SYNE2: variants seen among roughly 807,000 people sequenced by gnomAD.
The protein encoded by SYNE2 is nesprin-2.
SYNE2 carries 431 observed loss-of-function variants against 856.3 expected under a neutral mutation model. The ratio of observed to expected loss-of-function variants is 0.50; its 90% CI spans 0.47 to 0.55. SYNE2 has a LOEUF of 0.55. Among genes scored for constraint, SYNE2 ranks in the 20% least tolerant of loss-of-function variants. The pLI is 0.00. For synonymous variants in SYNE2, 2,923 were observed against 2,872.3 expected, an observed-to-expected ratio of 1.02 and a Z score of -0.56; for missense variants, 8,129 against 8,023.2, an observed-to-expected ratio of 1.01 and a Z score of -0.50.
Position 64,027,511 on chromosome 14 carries a change from A to T in SYNE2, c.6432A>T (p.Gly2144=). The change falls in exon 43 of 116, where the codon GGA becomes GGT. Residue 2144 remains glycine, a synonymous_variant. Coordinates refer to ENST00000555002, the MANE Select transcript of SYNE2 (RefSeq NM_182914.3). ...LSHQEKLLLE[G]EKYLQSKEDL... is the part of the protein sequence containing the mutation. Reference sequence around the variant, plus strand: ...ATCAAGAAAAGCTTCTACTAGAAGGAGAGAAATATTTACAAAGTAAGGAGG... The same window carrying T: ...ATCAAGAAAAGCTTCTACTAGAAGGTGAGAAATATTTACAAAGTAAGGAGG... 1 of 1,600,406 alleles carries T rather than the reference A, an allele frequency of 6.2e-7. No individual in the cohort carries two copies. Among genetic ancestry groups the T allele is most frequent in the South Asian group, 1.1e-5 (1 of 87,244 alleles).
At chr14:64,116,592 A>G (rs1006420633) in intron 66 of SYNE2, among the ~76,000 whole-genome samples, 2 of 152,030 alleles carry the variant, frequency 1.3e-5, no homozygotes, top group African/African-American at 2.4e-5. Context: ...TAATTTTTGT[A>G]TTTTTAGTAG....
chr14:64,024,570 A>T, intron 39 of SYNE2, 111 bp downstream of exon 39: 1 of 1,044,956 alleles, frequency 9.6e-7, no homozygotes, highest in Non-Finnish European at 1.4e-6. Flanking sequence ...AATTTCACAC[A>T]CAAAAGGCGT....
chr14:64,211,872 C>T (rs2098643134), intron 103 of SYNE2, 89 bp from the exon 104 acceptor site: 1 of 1,595,016 alleles, frequency 6.3e-7, no homozygotes, highest in Non-Finnish European at 8.6e-7. Context: ...TCTGGGTACC[C>T]TTTTCTTGTG....
chr14:63,790,966 A>AT (rs371722388), intron 1 of SYNE2, among the ~76,000 whole-genome samples: 93 of 147,100 alleles, frequency 6.3e-4, no homozygotes, highest in Middle Eastern at 3.5e-3. Context: ...TACCAGAAGA[A>AT]TTTTTTTTTT....
At chr14:63,972,212 G>C (rs2096484964) in intron 11 of SYNE2, among the ~76,000 whole-genome samples, 1 of 152,144 alleles carries the variant, frequency 6.6e-6, no homozygotes, top group African/African-American at 2.4e-5. Context: ...GATAAGACCT[G>C]TCCGTGACAG....
At chr14:63,831,715 C>A (rs1384642538) in intron 1 of SYNE2, among the ~76,000 whole-genome samples, 1 of 151,786 alleles carries the variant, frequency 6.6e-6, no homozygotes, top group East Asian at 1.9e-4. Context: ...ACCACCACAC[C>A]TGGCTAATTT....
chr14:64,106,787 A>G (rs1424350068), intron 64 of SYNE2, among the ~76,000 whole-genome samples: 1 of 151,934 alleles, frequency 6.6e-6, no homozygotes, highest in Non-Finnish European at 1.5e-5. Flanking sequence ...CTTTCTTGTC[A>G]TGCTTCCCCA....
chr14:64,167,767 A>G, intron 92 of SYNE2, 128 bp downstream of exon 92: 3 of 1,256,302 alleles, frequency 2.4e-6, no homozygotes, highest in Non-Finnish European at 3.4e-6. Context: ...CCTTTAAGCA[A>G]ATTCAGTTGT....
chr14:64,202,984 C>T (rs778664657), intron 100 of SYNE2, 21 bp downstream of exon 100: 16 of 1,613,714 alleles, frequency 9.9e-6, no homozygotes, highest in South Asian at 3.3e-5. Flanking sequence ...CAGAAATGAG[C>T]TCTTGCAAGA....
At chr14:64,151,229 A>G (rs1352264626) in intron 84 of SYNE2, among the ~76,000 whole-genome samples, 1 of 151,840 alleles carries the variant, frequency 6.6e-6, no homozygotes, top group Non-Finnish European at 1.5e-5. Context: ...ACCTTCCAAG[A>G]GTGACCTGAG....
chr14:64,141,885 C>G (rs777294053), intron 81 of SYNE2, 57 bp from the exon 82 acceptor site: 15 of 1,590,070 alleles, frequency 9.4e-6, no homozygotes, highest in African/African-American at 1.3e-5. Context: ...TTTAGTGATG[C>G]TCTGATTCAT....
intron 66 of SYNE2, among the ~76,000 whole-genome samples, chr14:64,117,283 AAATT>A (rs1182808780): frequency 6.6e-6 from 1 of 152,200 alleles, no homozygotes; most frequent in African/African-American, 2.4e-5. Flanking sequence ...TCTAAACACT[AAATT>A]AATTAATTAA....
At chr14:63,826,802 T>G (rs2139881291) in intron 1 of SYNE2, among the ~76,000 whole-genome samples, 1 of 152,258 alleles carries the variant, frequency 6.6e-6, no homozygotes, top group East Asian at 1.9e-4. Context: ...AGGCAATGAT[T>G]TCTTAGAGAG....
At position 63,940,690 on chromosome 14, in the gene SYNE2, A is replaced by G; in HGVS notation, c.141+15A>G. The G allele has an allele frequency of 6.2e-7, 1 of 1,613,118 alleles. No homozygotes were observed. The highest frequency in any genetic ancestry group is 8.5e-7 in the Non-Finnish European group (1 of 1,179,124). On this transcript the variant is annotated intron_variant, in intron 3 of 115. Coordinates refer to ENST00000555002, the MANE Select transcript of SYNE2 (RefSeq NM_182914.3). ...AGTTGGCCAGGGTAAGCAAATGAAG[A>G]CCAAATTAGTTTATAAATCTATTTA...
chr14:64,037,438 A>T (rs1485137447), intron 45 of SYNE2, among the ~76,000 whole-genome samples: 23 of 152,016 alleles, frequency 1.5e-4, no homozygotes, highest in African/African-American at 3.1e-4. Flanking sequence ...CAGAGAGCAC[A>T]GGGTTGGGGG....
chr14:64,138,973 GTGTGTGTA>G (rs1189481063), intron 79 of SYNE2, among the ~76,000 whole-genome samples: 4 of 137,572 alleles, frequency 2.9e-5, no homozygotes, highest in African/African-American at 1.1e-4. Context: ...GTGTGTGTGT[GTGTGTGTA>G]TGTAATTTTA....
intron 86 of SYNE2, 139 bp downstream of exon 86, chr14:64,158,934 A>G: frequency 1.0e-6 from 1 of 971,734 alleles, no homozygotes. Context: ...TCAAAAGAAT[A>G]ACTGGAAATT....
At chr14:64,214,542 C>A in intron 106 of SYNE2, 72 bp downstream of exon 106, 1 of 1,444,420 alleles carries the variant, frequency 6.9e-7, no homozygotes, top group Non-Finnish European at 9.4e-7. Flanking sequence ...AGCAACACGG[C>A]CAGCTCTCAA....
In SYNE2 at chr14:64,102,501, A is replaced by ATTT. The variant is rs1211142346; in HGVS notation, c.12492+483_12492+485dup. On this transcript the variant is annotated intron_variant, in intron 64 of 115. Transcript: ENST00000555002. The stretch of plus-strand genomic sequence containing the variant: ...TAGGGAGGGAACCTGCATGGGCTGA[A>ATTT]TTTTTTTTTTTTTTTTTTTTTTTTT... 1.2e-4 allele frequency among the ~76,000 whole-genome samples: 14 copies of ATTT among 118,270 alleles called. 1 individual carries two copies. The highest frequency in any genetic ancestry group is 4.1e-3 in the Middle Eastern group (1 of 246). 77.6% of individuals were successfully genotyped at this position (118,270 alleles called of 152,430 possible).
Sources: allele counts gnomAD v4.1 joint callset (sites outside exome capture counted in the v4.1 genomes callset), GRCh38; gene constraint gnomAD v4.1.1; transcripts MANE v1.5; gene names NCBI Gene and HGNC (gene_info 2026-07-23, HGNC 2026-07-21).